The following TLK1 variants were observed in gnomAD, a reference collection of about 807,000 sequenced individuals.
The protein encoded by TLK1 is serine/threonine-protein kinase tousled-like 1.
A neutral mutation model predicts 105.3 loss-of-function variants in TLK1; 24 were observed. That is an observed-to-expected ratio of 0.23 (90% CI 0.17 to 0.32). TLK1 has a LOEUF of 0.32. TLK1 is among the 10% of genes least tolerant of loss of function. The pLI is 1.00. For missense variants in TLK1, 558 were observed against 910.5 expected, an observed-to-expected ratio of 0.61 and a Z score of 4.98; for synonymous variants, 321 against 310.4, an observed-to-expected ratio of 1.03 and a Z score of -0.36.
In TLK1 at chr2:170,997,837, G is replaced by A. The variant is rs1398868080; in HGVS notation, c.1905-14C>T. The A allele has an allele frequency of 1.3e-6, 2 of 1,518,552 alleles. No homozygotes were observed. The highest frequency in any genetic ancestry group is 1.8e-6 in the Non-Finnish European group (2 of 1,113,296). 94.1% of individuals were successfully genotyped at this position (1,518,552 alleles called of 1,614,324 possible). A position where few individuals can be genotyped will look rare whatever the true frequency, so the allele number is the denominator to read the frequency against. ...GGAGGTAAATACCTGTAAGTTTTGT[G>A]GGAGAGAAAAAAGGTTACTACTGAC... is the stretch of plus-strand genomic sequence containing the variant. On this transcript the variant is annotated splice_polypyrimidine_tract_variant and intron_variant, in intron 18 of 20. Transcript: ENST00000431350.
chr2:171,208,434 A>G (rs1198997773), intron 1 of TLK1, among the ~76,000 whole-genome samples: 1 of 152,164 alleles, frequency 6.6e-6, no homozygotes, highest in Non-Finnish European at 1.5e-5. Flanking sequence ...AGTTTTATTT[A>G]TTAGCTATAT....
intron 2 of TLK1, among the ~76,000 whole-genome samples, chr2:171,116,333 A>G (rs1690425498): frequency 6.6e-6 from 1 of 152,220 alleles, no homozygotes; most frequent in Non-Finnish European, 1.5e-5. Flanking sequence ...AAAGAAAGTA[A>G]TACTAATATA....
At chr2:171,151,114 T>C (rs932917736) in intron 1 of TLK1, among the ~76,000 whole-genome samples, 8 of 151,762 alleles carry the variant, frequency 5.3e-5, no homozygotes, top group African/African-American at 1.9e-4. Flanking sequence ...CTCAACCTCC[T>C]GGGCTCAGGC....
At chr2:171,136,297 T>C (rs1343918494) in intron 1 of TLK1, among the ~76,000 whole-genome samples, 1 of 152,194 alleles carries the variant, frequency 6.6e-6, no homozygotes, top group African/African-American at 2.4e-5. Flanking sequence ...AGTAGAATAG[T>C]GGTTGCTGGG....
chr2:171,063,287 A>G (rs1401704040), intron 3 of TLK1, among the ~76,000 whole-genome samples: 2 of 152,158 alleles, frequency 1.3e-5, no homozygotes, highest in Non-Finnish European at 2.9e-5. Context: ...TAGGGGTTGC[A>G]GTGAGCCAAG....
intron 1 of TLK1, among the ~76,000 whole-genome samples, chr2:171,120,687 G>A (rs747376500): frequency 3.2e-4 from 49 of 152,280 alleles, no homozygotes; most frequent in Non-Finnish European, 5.6e-4. Flanking sequence ...CTTGTGCATC[G>A]CTGGTGGGAA....
chr2:171,007,977 C>T (rs1448740978), intron 14 of TLK1, among the ~76,000 whole-genome samples: 8 of 152,046 alleles, frequency 5.3e-5, no homozygotes, highest in African/African-American at 1.7e-4. Flanking sequence ...ATTAAAGAGA[C>T]ATTTAATAAT....
At chr2:171,119,883 T>C (rs1370515400) in intron 1 of TLK1, among the ~76,000 whole-genome samples, 6 of 152,140 alleles carry the variant, frequency 3.9e-5, no homozygotes, top group South Asian at 2.1e-4. Context: ...AGAAAACATA[T>C]GGATAAAGCT....
intron 1 of TLK1, among the ~76,000 whole-genome samples, chr2:171,137,839 ACT>A (rs1047690472): frequency 1.4e-4 from 21 of 151,318 alleles, no homozygotes; most frequent in African/African-American, 4.9e-4. Flanking sequence ...ACAGAGTGAG[ACT>A]CTGTCTCAAA....
chr2:171,045,979 G>T, intron 11 of TLK1, 195 bp downstream of exon 11: 1 of 465,360 alleles, frequency 2.1e-6, no homozygotes, highest in Non-Finnish European at 3.6e-6. Flanking sequence ...AAAGAGAATT[G>T]TTAAATCTCT....
At chr2:171,060,476 T>C (rs984037505) in intron 4 of TLK1, among the ~76,000 whole-genome samples, 3 of 152,222 alleles carry the variant, frequency 2.0e-5, no homozygotes, top group African/African-American at 7.2e-5. Context: ...ATCTTATGGC[T>C]AAAGATTGGC....
At chr2:171,015,739 C>T (rs1473667438) in intron 12 of TLK1, among the ~76,000 whole-genome samples, 1 of 147,024 alleles carries the variant, frequency 6.8e-6, no homozygotes, top group Non-Finnish European at 1.5e-5. Flanking sequence ...ACACCCACCC[C>T]TTTTTTGTCA....
intron 1 of TLK1, among the ~76,000 whole-genome samples, chr2:171,169,348 C>T (rs1692680680): frequency 6.6e-6 from 1 of 151,738 alleles, no homozygotes; most frequent in Non-Finnish European, 1.5e-5. Context: ...TAACCAAAAG[C>T]AATAGTTTGC....
rs530005594 is a variant in TLK1 at position 171,033,381 on chromosome 2, CATGGAG to C, written c.1170-4982_1170-4977del. 8.2e-3 allele frequency among the ~76,000 whole-genome samples: 1,239 copies of C among 151,520 alleles called. 8 individuals carry two copies. Among genetic ancestry groups the C allele is most frequent in the Non-Finnish European group, 0.013 (906 of 67,906 alleles). ...CATTAAAAATTAAAACAACTGAATTCATGGAGATAGAGAGTAGGATGATGGTTACTA... is the reference window on the plus strand; with the variant it reads ...CATTAAAAATTAAAACAACTGAATTCATAGAGAGTAGGATGATGGTTACTA... On this transcript the variant is annotated intron_variant, in intron 11 of 20. Transcript: ENST00000431350.
rs1169423622 is a variant in TLK1 at position 171,215,888 on chromosome 2, G to A, written c.-6+15257C>T. On this transcript the variant is annotated intron_variant, in intron 1 of 20. Coordinates refer to the TLK1 transcript ENST00000521943. ...ATATGCGCACCACCACCCCTTTCTA[G>A]TGGGAATTGATTACAAGAATAATCA... is the stretch of plus-strand genomic sequence containing the variant. 2.0e-5 allele frequency among the ~76,000 whole-genome samples: 3 copies of A among 152,126 alleles called. No homozygotes were observed. The East Asian group carries it at 5.8e-4, about 29-fold the overall frequency.
At chr2:171,005,422 C>T (rs747521212) in intron 18 of TLK1, among the ~76,000 whole-genome samples, 7 of 152,146 alleles carry the variant, frequency 4.6e-5, no homozygotes, top group Non-Finnish European at 8.8e-5. Context: ...ATTTATCTCC[C>T]ATTCACAGCC....
intron 3 of TLK1, among the ~76,000 whole-genome samples, chr2:171,071,522 A>C (rs1037498831): frequency 2.0e-5 from 3 of 152,024 alleles, no homozygotes; most frequent in African/African-American, 7.2e-5. Context: ...CTCCTGACAT[A>C]GTGATCTGCC....
In TLK1 at chr2:171,084,385, G is replaced by A. The variant is rs1442842265; in HGVS notation, c.259-1533C>T. On this transcript the variant is annotated intron_variant, in intron 2 of 20. Coordinates refer to ENST00000431350, the MANE Select transcript of TLK1 (RefSeq NM_012290.5). ...TGGTACAATGAGTACAAATTACTGG[G>A]TGTGGAATGAAAATTGAGTACTATA... Among the ~76,000 whole-genome samples the A allele has an allele frequency of 5.2e-4, 79 of 152,186 alleles. 1 individual carries two copies. Among genetic ancestry groups the A allele is most frequent in the Admixed American group, 5.2e-3 (79 of 15,276 alleles).
chr2:171,092,212 G>C (rs936934887), intron 2 of TLK1, among the ~76,000 whole-genome samples: 2 of 152,158 alleles, frequency 1.3e-5, no homozygotes, highest in African/African-American at 2.4e-5. Flanking sequence ...GGTAGCTAGA[G>C]AGCTGGGGTT....
Sources: gnomAD v4.1 joint callset for allele counts (sites outside exome capture counted in the v4.1 genomes callset) on GRCh38, gnomAD v4.1.1 for gene constraint, MANE v1.5 for transcripts, NCBI Gene and HGNC (gene_info 2026-07-23, HGNC 2026-07-21) for gene names.